Variants in HACE1 observed in about 807,000 individuals in gnomAD.
HACE1 encodes HECT domain and ankyrin repeat containing E3 ubiquitin protein ligase 1, also known as E3 ubiquitin-protein ligase HACE1.
HACE1 carries 73 observed loss-of-function variants against 118.4 expected under a neutral mutation model. The ratio of observed to expected loss-of-function variants is 0.62; its 90% CI spans 0.51 to 0.75. HACE1 has a LOEUF of 0.75. Ranked by LOEUF, HACE1 falls within the 30% of genes least tolerant of loss-of-function variation. HACE1 has a pLI of 0.00. For synonymous variants in HACE1, 368 were observed against 374.8 expected, an observed-to-expected ratio of 0.98 and a Z score of 0.21; for missense variants, 749 against 1,102.2, an observed-to-expected ratio of 0.68 and a Z score of 4.54.
At chr6:104,852,207 G>GTT in intron 2 of HACE1, 110 bp downstream of exon 2, 4 of 678,316 alleles carry the variant, frequency 5.9e-6, no homozygotes, top group Non-Finnish European at 8.1e-6. Flanking sequence ...GTCTGTGTGT[G>GTT]TGTGTGTGTG....
chr6:104,783,323 A>G (rs1781940504), intron 14 of HACE1, among the ~76,000 whole-genome samples: 1 of 152,174 alleles, frequency 6.6e-6, no homozygotes, highest in Non-Finnish European at 1.5e-5. Context: ...TGTAGTTACT[A>G]TTTTATACAT....
At chr6:104,738,073 G>A (rs546219892) in intron 22 of HACE1, among the ~76,000 whole-genome samples, 58 of 151,810 alleles carry the variant, frequency 3.8e-4, no homozygotes, top group East Asian at 1.2e-3. Context: ...CACCTCACAC[G>A]GCAGGGTATT....
At chr6:104,806,883 T>C (rs1169620286) in intron 7 of HACE1, among the ~76,000 whole-genome samples, 1 of 152,164 alleles carries the variant, frequency 6.6e-6, no homozygotes, top group Non-Finnish European at 1.5e-5. Context: ...CTTTCATCCT[T>C]ATAAATTTGA....
intron 11 of HACE1, among the ~76,000 whole-genome samples, chr6:104,790,891 T>TA (rs1364716576): frequency 6.8e-6 from 1 of 146,284 alleles, no homozygotes; most frequent in Non-Finnish European, 1.5e-5. Context: ...GTTTACTTCA[T>TA]AAAATTATAA....
intron 5 of HACE1, among the ~76,000 whole-genome samples, chr6:104,834,167 TA>T (rs916614936): frequency 1.5e-4 from 23 of 152,054 alleles, no homozygotes; most frequent in Non-Finnish European, 2.8e-4. Flanking sequence ...AAAATCGTTT[TA>T]AAATAACTCA....
At chr6:104,739,877 C>A (rs1245188257) in intron 22 of HACE1, among the ~76,000 whole-genome samples, 2 of 128,232 alleles carry the variant, frequency 1.6e-5, no homozygotes, top group African/African-American at 2.5e-5. Flanking sequence ...TTTTTCAGCA[C>A]CACACTACAC....
At chr6:104,838,045 G>C (rs1265821563) in intron 5 of HACE1, among the ~76,000 whole-genome samples, 2 of 151,934 alleles carry the variant, frequency 1.3e-5, no homozygotes, top group Non-Finnish European at 2.9e-5. Flanking sequence ...AGAAAAAGAT[G>C]CAAGAAACTG....
intron 7 of HACE1, among the ~76,000 whole-genome samples, chr6:104,800,671 A>C (rs1017937136): frequency 2.0e-5 from 3 of 152,340 alleles, no homozygotes; most frequent in Admixed American, 6.5e-5. Flanking sequence ...TAGCATCAAC[A>C]TCAACAAAAA....
At chr6:104,783,380 A>C (rs9399897) in intron 14 of HACE1, among the ~76,000 whole-genome samples, 53,874 of 151,910 alleles carry the variant, frequency 0.35, 9,692 homozygotes, top group African/African-American at 0.42. Flanking sequence ...CCTCTTAGAG[A>C]AGGGAAGTAA....
chr6:104,732,473 G>A (rs1308118093), intron 22 of HACE1: 1 of 152,176 alleles, frequency 6.6e-6, no homozygotes, highest in East Asian at 1.9e-4. Context: ...ATGATTCCAT[G>A]TATACGAAGT....
Position 104,821,005 on chromosome 6 carries a change from G to A in HACE1, c.535-9612C>T, listed in dbSNP as rs189769974. ...CATATACACCACGGAATACTATGCA[G>A]CCATAAAAAAGAACGTGACAATGTC... On this transcript the variant is annotated intron_variant, in intron 6 of 23. Transcript: ENST00000262903. 3.9e-3 allele frequency among the ~76,000 whole-genome samples: 593 copies of A among 152,218 alleles called. 5 individuals are homozygous for A. Among genetic ancestry groups the A allele is most frequent in the African/African-American group, 0.014 (574 of 41,496 alleles).
At chr6:104,791,393 A>G in intron 11 of HACE1, 111 bp downstream of exon 11, 1 of 958,178 alleles carries the variant, frequency 1.0e-6, no homozygotes, top group South Asian at 1.3e-5. Flanking sequence ...TGATATGGGT[A>G]TAAACCAAAC....
chr6:104,734,265 A>T (rs1775565139), intron 22 of HACE1, among the ~76,000 whole-genome samples: 1 of 152,054 alleles, frequency 6.6e-6, no homozygotes. Context: ...AAAAATATTT[A>T]AAAATCACTT....
chr6:104,773,600 A>C (rs1177838946), intron 17 of HACE1, among the ~76,000 whole-genome samples: 4 of 152,200 alleles, frequency 2.6e-5, no homozygotes, highest in African/African-American at 9.7e-5. Flanking sequence ...TAATATTCTG[A>C]GAATAATCAC....
intron 6 of HACE1, among the ~76,000 whole-genome samples, chr6:104,816,396 C>G (rs1395935096): frequency 6.6e-6 from 1 of 152,228 alleles, no homozygotes; most frequent in East Asian, 1.9e-4. Flanking sequence ...CCAGCTCCAG[C>G]TCCAGCCATG....
At position 104,859,874 on chromosome 6, in the gene HACE1, C is replaced by T. The variant is rs1252298367; in HGVS notation, c.-232G>A. Reference sequence around the variant, plus strand: ...GCCGCCGCCTCTGCTCGCGCCTTTCCTGCAGCCCCCGCCGCCGCGTCCCTC... The same window carrying T: ...GCCGCCGCCTCTGCTCGCGCCTTTCTTGCAGCCCCCGCCGCCGCGTCCCTC... On this transcript the variant is annotated 5_prime_UTR_variant, in exon 1 of 24. Coordinates refer to ENST00000262903, the MANE Select transcript of HACE1 (RefSeq NM_020771.4). 8.2e-6 allele frequency: 4 copies of T among 489,460 alleles called. No homozygotes were observed. The highest frequency in any genetic ancestry group is 8.0e-5 in the South Asian group (3 of 37,396). 30.3% of individuals were successfully genotyped at this position (489,460 alleles called of 1,614,324 possible).
At chr6:104,738,301 G>A (rs1776175351) in intron 22 of HACE1, among the ~76,000 whole-genome samples, 1 of 152,162 alleles carries the variant, frequency 6.6e-6, no homozygotes. Context: ...ACCAGCAACG[G>A]AACAAAGCTG....
intron 22 of HACE1, among the ~76,000 whole-genome samples, chr6:104,737,474 C>T (rs1232473735): frequency 6.6e-6 from 1 of 151,984 alleles, no homozygotes; most frequent in Non-Finnish European, 1.5e-5. Context: ...GGTGTGCGCA[C>T]CGTGCGCGAG....
At chr6:104,809,203 T>C (rs544027703) in intron 7 of HACE1, among the ~76,000 whole-genome samples, 84 of 152,174 alleles carry the variant, frequency 5.5e-4, no homozygotes, top group Non-Finnish European at 9.9e-4. Flanking sequence ...ATAAACACTA[T>C]TCTTGCTTTC....
Sources: gnomAD v4.1 joint callset for allele counts (sites outside exome capture counted in the v4.1 genomes callset) on GRCh38, gnomAD v4.1.1 for gene constraint, MANE v1.5 for transcripts, NCBI Gene and HGNC (gene_info 2026-07-23, HGNC 2026-07-21) for gene names.